Variants in RCN1 observed in about 807,000 individuals in gnomAD.
RCN1 encodes reticulocalbin 1.
RCN1 carries 14 observed loss-of-function variants against 34.7 expected under a neutral mutation model. That is an observed-to-expected ratio of 0.40 (90% CI 0.27 to 0.63). The LOEUF is 0.63. RCN1 is among the 30% of genes least tolerant of loss of function. The probability of loss-of-function intolerance (pLI) is 0.37; values close to 1 mark genes in which losing one functional copy is unlikely to be tolerated. For synonymous variants in RCN1, 125 were observed against 165.5 expected (o/e 0.76, Z 1.88); for missense variants, 326 against 425.1 (o/e 0.77, Z 2.05).
intron 1 of RCN1, among the ~76,000 whole-genome samples, chr11:32,095,559 C>T (rs1207315066): frequency 6.6e-6 from 1 of 152,164 alleles, no homozygotes; most frequent in Admixed American, 6.5e-5. Flanking sequence ...AGGCACCCGC[C>T]ACCACACCTG....
chr11:32,091,332 G>A lies in RCN1; in HGVS notation c.136G>A (p.Gly46Ser), dbSNP rs1400182818. 30 of 1,548,248 alleles carry A rather than the reference G, an allele frequency of 1.9e-5. No homozygotes were observed. Among genetic ancestry groups the A allele is most frequent in the Non-Finnish European group, 2.5e-5 (29 of 1,146,290 alleles). The change falls in exon 1 of 6, where the codon GGC (glycine) becomes AGC (serine). Residue 46 changes from glycine (G) to serine (S), a missense_variant. Transcript: ENST00000054950. Reference sequence around the variant, plus strand: ...CGTGGTGCGGCCCGACTCGGAGCTGGGCGAGCGGCCCCCTGAGGACAACCA... The same window carrying A: ...CGTGGTGCGGCCCGACTCGGAGCTGAGCGAGCGGCCCCCTGAGGACAACCA... The part of the protein sequence containing the change: ...ERVVRPDSEL[G>S]ERPPEDNQSF...
In RCN1 at chr11:32,097,133, T is replaced by G. The variant is rs1245187720; in HGVS notation, c.255-11T>G. 3 of 1,448,324 alleles carry G rather than the reference T, an allele frequency of 2.1e-6. No homozygotes were observed. Among genetic ancestry groups the G allele is most frequent in the Admixed American group, 3.0e-5 (1 of 33,562 alleles). 89.7% of individuals were successfully genotyped at this position (1,448,324 alleles called of 1,614,324 possible). A position where few individuals can be genotyped will look rare whatever the true frequency, so the allele number is the denominator to read the frequency against. On this transcript the variant is annotated splice_polypyrimidine_tract_variant and intron_variant, in intron 1 of 5. Transcript: ENST00000054950. ...TGTGTGGGTTTCTTTTTTTTTTTTT[T>G]TGTACTGCAGGAAGATTGTTGATCG...
At chr11:32,093,780 A>G (rs1280297509) in intron 1 of RCN1, among the ~76,000 whole-genome samples, 1 of 152,104 alleles carries the variant, frequency 6.6e-6, no homozygotes, top group African/African-American at 2.4e-5. Flanking sequence ...AATCCCCAAA[A>G]CTCATTGGGA....
At chr11:32,097,429 C>T (rs988408206) in intron 2 of RCN1, 92 bp downstream of exon 2, 21 of 876,946 alleles carry the variant, frequency 2.4e-5, no homozygotes, top group Non-Finnish European at 3.0e-5. Context: ...CCACTCCCTT[C>T]AGGGAGATGT....
chr11:32,103,260 A>G, intron 4 of RCN1, 21 bp from the exon 5 acceptor site: 1 of 1,611,814 alleles, frequency 6.2e-7, no homozygotes, highest in Non-Finnish European at 8.5e-7. Flanking sequence ...CTTTGTAACC[A>G]ACAATAACCT....
At chr11:32,098,609 G>C in intron 3 of RCN1, 81 bp downstream of exon 3, 4 of 1,157,684 alleles carry the variant, frequency 3.5e-6, no homozygotes, top group African/African-American at 3.1e-5. Flanking sequence ...AAAGAGAGAA[G>C]ATTTTTCAGC....
intron 1 of RCN1, among the ~76,000 whole-genome samples, chr11:32,092,653 C>G (rs760104210): frequency 1.2e-4 from 18 of 152,168 alleles, no homozygotes; most frequent in Admixed American, 5.9e-4. Flanking sequence ...GCGGAGGTAT[C>G]TGGTGGTCCT....
At chr11:32,102,645 A>AC (rs1852059077) in intron 4 of RCN1, 1 of 169,916 alleles carries the variant, frequency 5.9e-6, no homozygotes, top group Non-Finnish European at 1.3e-5. Context: ...AATGATATAA[A>AC]CAATAGTACT....
chr11:32,093,381 G>A (rs952186866), intron 1 of RCN1, among the ~76,000 whole-genome samples: 8 of 152,220 alleles, frequency 5.3e-5, no homozygotes, highest in Admixed American at 1.3e-4. Flanking sequence ...GTGCTTGTAA[G>A]CAAATGTGGA....
intron 5 of RCN1, 110 bp downstream of exon 5, chr11:32,103,590 G>A (rs1852073644): frequency 2.1e-6 from 2 of 934,004 alleles, no homozygotes; most frequent in African/African-American, 3.2e-5. Context: ...TGTCTTTATT[G>A]ACTTTTCCTT....
rs565061953 is a variant in RCN1 at position 32,097,356 on chromosome 11, G to C, written c.448+19G>C. 6.6e-7 allele frequency: 1 copy of C among 1,510,480 alleles called. No individual in the cohort carries two copies. Among genetic ancestry groups the C allele is most frequent in the South Asian group, 1.4e-5 (1 of 71,756 alleles). The allele number at this position is 1,510,480 out of a possible 1,614,324, so 93.6% of individuals were successfully genotyped here. A position where few individuals can be genotyped will look rare whatever the true frequency, so the allele number is the denominator to read the frequency against. ...TACCTAGGTAAGAGGTGCTGCAGGA[G>C]CGATGACACAGTGGGGGCCCAGATC... On this transcript the variant is annotated intron_variant, in intron 2 of 5. Transcript: ENST00000054950.
rs1390328261 is a variant in RCN1 at position 32,098,495 on chromosome 11, A to C, written c.594A>C (p.Glu198Asp). Residue 198 changes from glutamate to aspartate, a missense_variant, in exon 3 of 6, where the codon GAA becomes GAC. Physicochemically the swap from Glu to Asp is conservative, Grantham distance 45. Transcript: ENST00000054950. ...AGTTCACTGCCTTTCTGCATCCTGAAGAGTTTGAACATATGAAGGAAATTG... is the reference window on the plus strand; with the variant it reads ...AGTTCACTGCCTTTCTGCATCCTGACGAGTTTGAACATATGAAGGAAATTG... ...REEFTAFLHP[E>D]EFEHMKEIVV... The C allele has an allele frequency of 3.7e-6, 6 of 1,613,604 alleles. No individual in the cohort carries two copies. The highest frequency in any genetic ancestry group is 5.1e-6 in the Non-Finnish European group (6 of 1,179,890).
chr11:32,103,232 GT>G (rs767191794), intron 4 of RCN1, 48 bp from the exon 5 acceptor site: 1 of 1,578,880 alleles, frequency 6.3e-7, no homozygotes, highest in Non-Finnish European at 8.7e-7. Context: ...GGTGGGGGAG[GT>G]TTACCTTCCC....
intron 5 of RCN1, among the ~76,000 whole-genome samples, chr11:32,103,919 G>C (rs1339665824): frequency 6.6e-6 from 1 of 152,194 alleles, no homozygotes; most frequent in Non-Finnish European, 1.5e-5. Context: ...TTAATGCCTA[G>C]TACTTCGGTA....
At chr11:32,097,434 A>AGTG in intron 2 of RCN1, 97 bp downstream of exon 2, 11 of 821,584 alleles carry the variant, frequency 1.3e-5, no homozygotes, top group Non-Finnish European at 2.0e-5. Flanking sequence ...CCCTTCAGGG[A>AGTG]GATGTCACAG....
chr11:32,093,204 A>C (rs1301513040), intron 1 of RCN1, among the ~76,000 whole-genome samples: 1 of 152,220 alleles, frequency 6.6e-6, no homozygotes, highest in African/African-American at 2.4e-5. Context: ...TCAGCCTAGT[A>C]GTGAGAAAAA....
At chr11:32,104,214 G>A (rs532288534) in intron 5 of RCN1, 151 bp from the exon 6 acceptor site, 2 of 579,416 alleles carry the variant, frequency 3.5e-6, no homozygotes, top group East Asian at 5.8e-5. Context: ...TTGCAATGCA[G>A]TCATGGTAGA....
intron 4 of RCN1, 108 bp from the exon 5 acceptor site, chr11:32,103,173 T>G: frequency 5.6e-6 from 5 of 886,520 alleles, no homozygotes; most frequent in Non-Finnish European, 9.2e-6. Flanking sequence ...GGTCTCTGGA[T>G]TGGTTGTCGC....
In RCN1 at chr11:32,103,322, T is replaced by G. The variant is rs1852068262; in HGVS notation, c.730T>G (p.Trp244Gly). The G allele has an allele frequency of 1.9e-6, 3 of 1,614,006 alleles. No homozygotes were observed. The highest frequency in any genetic ancestry group is 2.7e-5 in the African/African-American group (2 of 74,930). ...TGAGGAGAATGGCCCTGAGCCAGAC[T>G]GGGTTTTATCAGAACGGGAGCAGTT... is the stretch of plus-strand genomic sequence containing the variant. ...SHEENGPEPD[W>G]VLSEREQFNE... Residue 244 changes from tryptophan to glycine, a missense_variant, in exon 5 of 6, where the codon TGG (tryptophan) becomes GGG (glycine). Physicochemically the swap from Trp to Gly is radical, Grantham distance 184. Coordinates refer to ENST00000054950, the MANE Select transcript of RCN1 (RefSeq NM_002901.4).
Sources: gnomAD v4.1 joint callset for allele counts (sites outside exome capture counted in the v4.1 genomes callset) on GRCh38, gnomAD v4.1.1 for gene constraint, MANE v1.5 for transcripts, NCBI Gene and HGNC (gene_info 2026-07-23, HGNC 2026-07-21) for gene names.